Variants in NALF1 observed in about 807,000 individuals in gnomAD.
The protein encoded by NALF1 is family with sequence similarity 155 member A.
Under a neutral mutation model 48.4 loss-of-function variants are expected in NALF1, and 3 were observed. The observed-to-expected ratio is 0.06, with a 90% CI of 0.03 to 0.16. NALF1 has a LOEUF of 0.16. NALF1 is among the 10% of genes least tolerant of loss of function. NALF1 has a pLI of 1.00. For missense variants in NALF1, 526 were observed against 571.5 expected, an observed-to-expected ratio of 0.92 and a Z score of 0.81; for synonymous variants, 262 against 245.7, an observed-to-expected ratio of 1.07 and a Z score of -0.62.
At chr13:107,275,912 C>T (rs1396565835) in intron 1 of NALF1, among the ~76,000 whole-genome samples, 1 of 152,098 alleles carries the variant, frequency 6.6e-6, no homozygotes, top group Non-Finnish European at 1.5e-5. Flanking sequence ...ATGCATGTGG[C>T]TGTTAGTGGG....
intron 1 of NALF1, among the ~76,000 whole-genome samples, chr13:107,515,353 T>C (rs1255829174): frequency 6.6e-6 from 1 of 152,186 alleles, no homozygotes; most frequent in Non-Finnish European, 1.5e-5. Context: ...TGATAGTATG[T>C]TGAGTATTAA....
chr13:107,319,802 T>G (rs1270181973), intron 1 of NALF1, among the ~76,000 whole-genome samples: 1 of 152,060 alleles, frequency 6.6e-6, no homozygotes, highest in Non-Finnish European at 1.5e-5. Context: ...AGCCACTACA[T>G]TCTACCTCCC....
At chr13:107,410,897 G>A (rs1185355716) in intron 1 of NALF1, among the ~76,000 whole-genome samples, 1 of 152,158 alleles carries the variant, frequency 6.6e-6, no homozygotes, top group Non-Finnish European at 1.5e-5. Flanking sequence ...TGGTGTGGAA[G>A]AAATTTTAAA....
chr13:107,764,013 G>A (rs139688428), intron 1 of NALF1, among the ~76,000 whole-genome samples: 91 of 152,088 alleles, frequency 6.0e-4, no homozygotes, highest in Non-Finnish European at 1.1e-3. Context: ...ACTAATGGCC[G>A]GCCTCTGGGA....
At chr13:107,736,713 T>C (rs1051290425) in intron 1 of NALF1, among the ~76,000 whole-genome samples, 1 of 152,176 alleles carries the variant, frequency 6.6e-6, no homozygotes, top group Non-Finnish European at 1.5e-5. Flanking sequence ...GCTAGTGCTT[T>C]TAGTTAACAA....
At position 107,166,426 on chromosome 13, in the gene NALF1, CA is replaced by C. The variant is rs1166527357; in HGVS notation, c.*4070del. 4 of 152,170 alleles carry C rather than the reference CA, an allele frequency of 2.6e-5. No individual in the cohort carries two copies. Among genetic ancestry groups the C allele is most frequent in the African/African-American group, 4.8e-5 (2 of 41,418 alleles). The allele number at this position is 152,170 out of a possible 1,614,324, so 9.4% of individuals were successfully genotyped here. A position where few individuals can be genotyped will look rare whatever the true frequency, so the allele number is the denominator to read the frequency against. ...CAGAGCAAGATGCCATCTCAAAAAA[CA>C]AACAAACACACAGAAAAGAAATTAA... is the stretch of plus-strand genomic sequence containing the variant. On this transcript the variant is annotated 3_prime_UTR_variant, in exon 3 of 3. Transcript: ENST00000375915.
chr13:107,749,807 G>GTGGT (rs1363880053), intron 1 of NALF1, among the ~76,000 whole-genome samples: 2 of 148,162 alleles, frequency 1.3e-5, no homozygotes, highest in Admixed American at 1.4e-4. Context: ...TTTTGTTGTG[G>GTGGT]TGGTTTGTTT....
At chr13:107,800,670 T>A (rs769540536) in intron 1 of NALF1, among the ~76,000 whole-genome samples, 9 of 147,452 alleles carry the variant, frequency 6.1e-5, no homozygotes, top group Non-Finnish European at 9.0e-5. Flanking sequence ...ATACATCATA[T>A]TGTATTTTAT....
intron 1 of NALF1, among the ~76,000 whole-genome samples, chr13:107,817,399 T>TA (rs1452831158): frequency 6.6e-6 from 1 of 152,178 alleles, no homozygotes; most frequent in African/African-American, 2.4e-5. Flanking sequence ...ATCTGTGATG[T>TA]AAGAAGTGTA....
chr13:107,232,700 G>A (rs146243970), intron 1 of NALF1, among the ~76,000 whole-genome samples: 12 of 152,154 alleles, frequency 7.9e-5, no homozygotes, highest in African/African-American at 2.4e-4. Context: ...GGCTGGATGC[G>A]GAAGACTCAG....
intron 1 of NALF1, among the ~76,000 whole-genome samples, chr13:107,252,401 T>C (rs1263422378): frequency 7.4e-6 from 1 of 136,052 alleles, no homozygotes; most frequent in Non-Finnish European, 1.6e-5. Context: ...GAGAGAAAGA[T>C]AGAGAGGGGA....
Position 107,163,822 on chromosome 13 carries a change from C to T in NALF1, c.*6675G>A, listed in dbSNP as rs796831737. On this transcript the variant is annotated 3_prime_UTR_variant, in exon 3 of 3. Coordinates refer to ENST00000375915, the MANE Select transcript of NALF1 (RefSeq NM_001080396.3). ...AGAAATAAGGAAAATTAAGTGCAAA[C>T]ATGAGAATGCTTATCATGATATGAA... is the stretch of plus-strand genomic sequence containing the variant. The T allele has an allele frequency of 3.9e-5, 6 of 152,000 alleles. No individual in the cohort carries two copies. The East Asian group carries it at 9.7e-4, about 25-fold the overall frequency. The allele number at this position is 152,000 out of a possible 1,614,324, so 9.4% of individuals were successfully genotyped here.
intron 1 of NALF1, among the ~76,000 whole-genome samples, chr13:107,345,476 C>T (rs928786301): frequency 7.9e-5 from 12 of 152,106 alleles, no homozygotes; most frequent in Admixed American, 2.6e-4. Flanking sequence ...CAAAAGAACA[C>T]AATCGAGAGC....
intron 1 of NALF1, among the ~76,000 whole-genome samples, chr13:107,388,735 T>C (rs1883571510): frequency 6.6e-6 from 1 of 152,096 alleles, no homozygotes; most frequent in Non-Finnish European, 1.5e-5. Context: ...CACAGCTTCA[T>C]CACGGTATGC....
At chr13:107,507,594 TAAAAAAAAAA>T (rs548709767) in intron 1 of NALF1, among the ~76,000 whole-genome samples, 5,285 of 86,410 alleles carry the variant, frequency 0.061, 196 homozygotes, top group Non-Finnish European at 0.078. Flanking sequence ...TATTCTCCAT[TAAAAAAAAAA>T]AAAAAAAAAA....
At chr13:107,332,592 G>A (rs1410085841) in intron 1 of NALF1, among the ~76,000 whole-genome samples, 1 of 152,136 alleles carries the variant, frequency 6.6e-6, no homozygotes, top group Non-Finnish European at 1.5e-5. Flanking sequence ...ATTCCAATCT[G>A]CTTTCAAAAA....
chr13:107,797,824 T>C (rs1047811380), intron 1 of NALF1, among the ~76,000 whole-genome samples: 1 of 152,126 alleles, frequency 6.6e-6, no homozygotes, highest in Non-Finnish European at 1.5e-5. Context: ...ATCAATCTTA[T>C]ATTTGAATAA....
chr13:107,434,761 G>C (rs1884437468), intron 1 of NALF1, among the ~76,000 whole-genome samples: 1 of 152,294 alleles, frequency 6.6e-6, no homozygotes, highest in South Asian at 2.1e-4. Flanking sequence ...GCCCCATTTT[G>C]CAAATGCAGA....
Position 107,782,759 on chromosome 13 carries a change from G to C in NALF1, c.915+82923C>G, listed in dbSNP as rs573619598. Among the ~76,000 whole-genome samples the C allele has an allele frequency of 5.8e-3, 872 of 149,266 alleles. 6 individuals carry two copies. The highest frequency in any genetic ancestry group is 8.9e-3 in the Non-Finnish European group (598 of 66,920). ...GCCCGGTCGCGACCCCGTCTGGGAG[G>C]TGAGGAGCGTCTCTGCCCAGCCGCC... On this transcript the variant is annotated intron_variant, in intron 1 of 2. Coordinates refer to ENST00000375915, the MANE Select transcript of NALF1 (RefSeq NM_001080396.3).
Sources: allele counts gnomAD v4.1 joint callset (sites outside exome capture counted in the v4.1 genomes callset), GRCh38; gene constraint gnomAD v4.1.1; transcripts MANE v1.5; gene names NCBI Gene and HGNC (gene_info 2026-07-23, HGNC 2026-07-21).